The following LRRIQ1 variants were observed in gnomAD, a reference collection of about 807,000 sequenced individuals.
LRRIQ1 encodes the protein leucine-rich repeat- and IQ domain-containing protein 1.
A neutral mutation model predicts 211.9 loss-of-function variants in LRRIQ1; 210 were observed. The ratio of observed to expected loss-of-function variants is 0.99; its 90% CI spans 0.89 to 1.11. The LOEUF is 1.11. Among genes scored for constraint, LRRIQ1 ranks in the 50% most tolerant of loss-of-function variants. LRRIQ1 has a pLI of 0.00. For synonymous variants in LRRIQ1, 699 were observed against 650.1 expected (o/e 1.08, Z -1.14); for missense variants, 2,136 against 1,939.5 (o/e 1.10, Z -1.90).
At chr12:85,256,244 T>A (rs1896087074) in intron 1 of LRRIQ1, among the ~76,000 whole-genome samples, 1 of 151,716 alleles carries the variant, frequency 6.6e-6, no homozygotes, top group African/African-American at 2.4e-5. Flanking sequence ...AAATTTAACA[T>A]TTTTTGACGA....
intron 11 of LRRIQ1, among the ~76,000 whole-genome samples, chr12:85,088,955 T>C (rs1885107438): frequency 6.6e-6 from 1 of 152,222 alleles, no homozygotes; most frequent in African/African-American, 2.4e-5. Flanking sequence ...CTGATTGCCC[T>C]GGCCAAAACT....
At chr12:85,047,142 A>G (rs1249309421) in intron 5 of LRRIQ1, 105 bp from the exon 6 acceptor site, 15 of 788,880 alleles carry the variant, frequency 1.9e-5, no homozygotes, top group Non-Finnish European at 2.7e-5. Context: ...CCTAGAACTT[A>G]AAGTAAAATT....
At chr12:85,150,059 A>G (rs192829814) in intron 19 of LRRIQ1, among the ~76,000 whole-genome samples, 19 of 151,894 alleles carry the variant, frequency 1.3e-4, no homozygotes, top group African/African-American at 4.3e-4. Context: ...AAACAGCTGG[A>G]TTTCTAGAGA....
intron 24 of LRRIQ1, among the ~76,000 whole-genome samples, chr12:85,161,755 A>C (rs1890890936): frequency 6.6e-6 from 1 of 152,192 alleles, no homozygotes; most frequent in Non-Finnish European, 1.5e-5. Flanking sequence ...AGTAGATAGC[A>C]ATAGTCTGGG....
intron 24 of LRRIQ1, among the ~76,000 whole-genome samples, chr12:85,172,431 T>C (rs1891464131): frequency 6.6e-6 from 1 of 152,208 alleles, no homozygotes; most frequent in Admixed American, 6.5e-5. Context: ...GAAAGTCTTG[T>C]GTTAAATCTT....
intron 24 of LRRIQ1, among the ~76,000 whole-genome samples, chr12:85,191,804 T>A (rs1282922801): frequency 6.6e-6 from 1 of 151,980 alleles, no homozygotes. Flanking sequence ...TTTTGGATAT[T>A]CTCCATTATA....
intron 11 of LRRIQ1, among the ~76,000 whole-genome samples, chr12:85,097,294 G>A (rs956872334): frequency 1.3e-5 from 2 of 152,044 alleles, no homozygotes; most frequent in African/African-American, 4.8e-5. Context: ...AAGCTGAAGG[G>A]GAAACAAAGC....
intron 11 of LRRIQ1, 118 bp downstream of exon 11, chr12:85,073,216 T>C: frequency 3.3e-6 from 2 of 614,476 alleles, no homozygotes; most frequent in Non-Finnish European, 5.3e-6. Flanking sequence ...ATAGGTAAAA[T>C]ATAGCTGTTT....
At chr12:85,090,388 C>G (rs939856700) in intron 11 of LRRIQ1, among the ~76,000 whole-genome samples, 1 of 152,126 alleles carries the variant, frequency 6.6e-6, no homozygotes, top group Non-Finnish European at 1.5e-5. Context: ...AATTGTAGAT[C>G]CACTGGCAGC....
At chr12:85,200,648 G>A (rs138439171) in intron 24 of LRRIQ1, among the ~76,000 whole-genome samples, 23 of 149,930 alleles carry the variant, frequency 1.5e-4, no homozygotes, top group African/African-American at 2.2e-4. Context: ...TGCCTAGTTC[G>A]TTGAAGGGAT....
At chr12:85,112,674 C>G (rs541017445) in intron 15 of LRRIQ1, among the ~76,000 whole-genome samples, 1 of 151,878 alleles carries the variant, frequency 6.6e-6, no homozygotes, top group Non-Finnish European at 1.5e-5. Context: ...GTCACTGCCT[C>G]AAGGCATGGG....
At chr12:85,232,784 A>T (rs1415769365) in intron 26 of LRRIQ1, 28 bp downstream of exon 26, 2 of 1,559,546 alleles carry the variant, frequency 1.3e-6, no homozygotes, top group Non-Finnish European at 1.8e-6. Context: ...AGTTACAGAA[A>T]AATGTTGTAG....
intron 24 of LRRIQ1, among the ~76,000 whole-genome samples, chr12:85,175,679 TG>T (rs1286237010): frequency 2.0e-5 from 3 of 152,176 alleles, no homozygotes; most frequent in Admixed American, 6.6e-5. Flanking sequence ...AATTGATTTT[TG>T]TATAAGGTGT....
At chr12:85,210,240 C>T (rs1893773671) in intron 24 of LRRIQ1, among the ~76,000 whole-genome samples, 2 of 152,086 alleles carry the variant, frequency 1.3e-5, no homozygotes, top group East Asian at 1.9e-4. Context: ...TCTATAACTC[C>T]ATAGTTTTCC....
intron 10 of LRRIQ1, among the ~76,000 whole-genome samples, chr12:85,070,859 C>T (rs1883005305): frequency 6.6e-6 from 1 of 151,816 alleles, no homozygotes; most frequent in South Asian, 2.1e-4. Flanking sequence ...ACAACAATGC[C>T]ACTATTACTA....
intron 1 of LRRIQ1, among the ~76,000 whole-genome samples, chr12:85,252,618 C>G (rs1407352414): frequency 6.6e-6 from 1 of 151,288 alleles, no homozygotes; most frequent in African/African-American, 2.4e-5. Context: ...GGTTGTAAAT[C>G]TGATTAATTC....
At chr12:85,160,551 G>A (rs1890808234) in intron 23 of LRRIQ1, 62 bp from the exon 24 acceptor site, 2 of 992,822 alleles carry the variant, frequency 2.0e-6, no homozygotes, top group South Asian at 2.9e-5. Context: ...GAAATATGTG[G>A]ACATTTAGAG....
intron 21 of LRRIQ1, among the ~76,000 whole-genome samples, 193 bp from the exon 22 acceptor site, chr12:85,153,470 T>C (rs985155150): frequency 1.3e-5 from 2 of 151,524 alleles, no homozygotes; most frequent in African/African-American, 4.8e-5. Flanking sequence ...ACAAAGGGAT[T>C]GAAATATGCT....
chr12:85,176,493 CA>C (rs1282065434), intron 24 of LRRIQ1, among the ~76,000 whole-genome samples: 1 of 146,666 alleles, frequency 6.8e-6, no homozygotes, highest in Non-Finnish European at 1.5e-5. Context: ...ATCGCAAGAA[CA>C]AAAAACCAAA....
Sources: allele counts gnomAD v4.1 joint callset (sites outside exome capture counted in the v4.1 genomes callset), GRCh38; gene constraint gnomAD v4.1.1; transcripts MANE v1.5; gene names NCBI Gene and HGNC (gene_info 2026-07-23, HGNC 2026-07-21).